Variants in FAM184A observed in about 807,000 individuals in gnomAD.
FAM184A encodes the protein protein FAM184A.
A neutral mutation model predicts 143.8 loss-of-function variants in FAM184A; 99 were observed. The observed-to-expected ratio is 0.69, with a 90% CI of 0.58 to 0.81. FAM184A has a LOEUF of 0.81. Ranked by LOEUF, FAM184A falls within the 40% of genes least tolerant of loss-of-function variation. The probability of loss-of-function intolerance (pLI) is 0.00; values close to 1 mark genes in which losing one functional copy is unlikely to be tolerated. For synonymous variants in FAM184A, 427 were observed against 446.4 expected (o/e 0.96, Z 0.55); for missense variants, 1,217 against 1,310.5 (o/e 0.93, Z 1.10).
At chr6:119,014,823 C>G (rs1361537907) in intron 5 of FAM184A, among the ~76,000 whole-genome samples, 2 of 152,114 alleles carry the variant, frequency 1.3e-5, no homozygotes, top group African/African-American at 4.8e-5. Flanking sequence ...TTTTGGGAGG[C>G]TGAGGTGGGA....
intron 1 of FAM184A, among the ~76,000 whole-genome samples, chr6:119,121,144 T>A (rs1789202680): frequency 1.3e-5 from 2 of 151,904 alleles, no homozygotes; most frequent in Admixed American, 1.3e-4. Context: ...GTTTTTCATT[T>A]GTTTTGAGAC....
At chr6:119,074,209 C>G in intron 1 of FAM184A, among the ~76,000 whole-genome samples, 1 of 152,208 alleles carries the variant, frequency 6.6e-6, no homozygotes, top group Non-Finnish European at 1.5e-5. Flanking sequence ...CCTCTTTACT[C>G]TTTTCACTTC....
At chr6:119,094,935 T>TG (rs889447799) in intron 1 of FAM184A, among the ~76,000 whole-genome samples, 2 of 152,142 alleles carry the variant, frequency 1.3e-5, no homozygotes, top group African/African-American at 4.8e-5. Context: ...GGGGTTCTAA[T>TG]GGGGGAATAT....
At chr6:119,073,389 T>C (rs866479210) in intron 1 of FAM184A, among the ~76,000 whole-genome samples, 3 of 152,208 alleles carry the variant, frequency 2.0e-5, no homozygotes, top group Non-Finnish European at 2.9e-5. Context: ...AGGGATTTGA[T>C]AAGCAGCTAA....
chr6:119,088,397 A>G (rs541703499), intron 1 of FAM184A, among the ~76,000 whole-genome samples: 2 of 152,322 alleles, frequency 1.3e-5, no homozygotes, highest in South Asian at 4.1e-4. Context: ...TGGAGATGAA[A>G]TAGACATTTC....
chr6:119,081,670 G>T (rs1430099859), upstream of FAM184A, among the ~76,000 whole-genome samples: 3 of 152,212 alleles, frequency 2.0e-5, no homozygotes, highest in Non-Finnish European at 2.9e-5. Flanking sequence ...AGGGGAAGTA[G>T]ATCTCAGCAG....
intron 1 of FAM184A, among the ~76,000 whole-genome samples, chr6:119,084,045 G>A (rs747828964): frequency 1.9e-4 from 29 of 152,134 alleles, no homozygotes; most frequent in Non-Finnish European, 3.5e-4. Context: ...GGAAGGCAAA[G>A]GGGAAGCAAG....
Position 119,006,517 on chromosome 6 carries a change from C to T in FAM184A, c.1745G>A (p.Arg582Lys). The change falls in exon 7 of 18, where the codon AGG becomes AAG. Residue 582 changes from arginine to lysine, a missense_variant. Arg to Lys is a conservative substitution (Grantham distance 26, BLOSUM62 2). Transcript: ENST00000338891. ...AGTCAAGTCAAGCTCATTCTGAAGC[C>T]TTTCCTGGGAGTCCTGAAGACTAGC... Reference protein sequence around the residue: ...LIASLQDSQERLQNELDLTKD... With the variant: ...LIASLQDSQEKLQNELDLTKD... 1 of 1,614,004 alleles carries T rather than the reference C, an allele frequency of 6.2e-7. No homozygotes were observed. Among genetic ancestry groups the T allele is most frequent in the Non-Finnish European group, 8.5e-7 (1 of 1,179,944 alleles).
At chr6:118,991,098 G>A (rs983256619) in intron 9 of FAM184A, among the ~76,000 whole-genome samples, 1 of 151,736 alleles carries the variant, frequency 6.6e-6, no homozygotes, top group Non-Finnish European at 1.5e-5. Context: ...AGGCTGGTGT[G>A]ATAGGGAATG....
At chr6:118,984,370 G>A (rs1351409603) in intron 9 of FAM184A, among the ~76,000 whole-genome samples, 4 of 151,402 alleles carry the variant, frequency 2.6e-5, no homozygotes, top group Non-Finnish European at 5.9e-5. Context: ...TAGAGATGAG[G>A]TATCACTCCA....
At chr6:119,055,266 G>C (rs1277488601) in intron 1 of FAM184A, among the ~76,000 whole-genome samples, 1 of 152,060 alleles carries the variant, frequency 6.6e-6, no homozygotes, top group Non-Finnish European at 1.5e-5. Flanking sequence ...CTATTGTATG[G>C]ATATACCATA....
At chr6:119,075,835 G>T (rs1787853575) in intron 1 of FAM184A, among the ~76,000 whole-genome samples, 1 of 152,140 alleles carries the variant, frequency 6.6e-6, no homozygotes, top group South Asian at 2.1e-4. Flanking sequence ...TTTACAATAA[G>T]TGTATATGAC....
intron 11 of FAM184A, among the ~76,000 whole-genome samples, chr6:118,977,952 T>C (rs1583775706): frequency 2.0e-5 from 3 of 152,124 alleles, no homozygotes; most frequent in African/African-American, 7.2e-5. Flanking sequence ...AACAAAGACA[T>C]ATTTTATTTA....
At chr6:119,030,837 A>G (rs755022568) in intron 1 of FAM184A, among the ~76,000 whole-genome samples, 8 of 151,782 alleles carry the variant, frequency 5.3e-5, no homozygotes, top group Non-Finnish European at 8.8e-5. Context: ...AAACATTTGC[A>G]CTTTTTATGG....
At chr6:119,099,809 C>T (rs1426335222) in intron 1 of FAM184A, among the ~76,000 whole-genome samples, 4 of 152,288 alleles carry the variant, frequency 2.6e-5, no homozygotes, top group Middle Eastern at 3.4e-3. Context: ...CCATACCTCA[C>T]CCTATGCATC....
rs542562225 is a variant in FAM184A at position 119,011,172 on chromosome 6, AC to A, written c.1653+136del. On this transcript the variant is annotated intron_variant, in intron 6 of 17. Transcript: ENST00000338891. ...ATCAGAGTGTCATGAAAAATTCAAC[AC>A]CAATTAAAGTTTTTAAATTATTTTT... 5.6e-3 allele frequency: 3,837 copies of A among 682,092 alleles called. 17 individuals carry two copies. The highest frequency in any genetic ancestry group is 8.9e-3 in the Admixed American group (244 of 27,502). 42.3% of individuals were successfully genotyped at this position (682,092 alleles called of 1,614,324 possible).
intron 1 of FAM184A, among the ~76,000 whole-genome samples, chr6:119,126,225 G>A (rs1444804480): frequency 2.0e-5 from 3 of 152,156 alleles, no homozygotes; most frequent in African/African-American, 7.2e-5. Flanking sequence ...CCTACCATGT[G>A]GCACCTTCAT....
chr6:118,969,801 C>T (rs1783619002), intron 14 of FAM184A, among the ~76,000 whole-genome samples: 2 of 130,436 alleles, frequency 1.5e-5, no homozygotes, highest in African/African-American at 5.8e-5. Flanking sequence ...TCCCCCTGCC[C>T]CCCACCCCGT....
chr6:119,020,814 C>T (rs1238661285), intron 3 of FAM184A, among the ~76,000 whole-genome samples: 1 of 152,094 alleles, frequency 6.6e-6, no homozygotes, highest in Non-Finnish European at 1.5e-5. Flanking sequence ...ACAGCCACTG[C>T]ACTATGTCCT....
Sources: gnomAD v4.1 joint callset for allele counts (sites outside exome capture counted in the v4.1 genomes callset) on GRCh38, gnomAD v4.1.1 for gene constraint, MANE v1.5 for transcripts, NCBI Gene and HGNC (gene_info 2026-07-23, HGNC 2026-07-21) for gene names.